Variants in MATR3 observed in about 807,000 individuals in gnomAD.
MATR3 encodes the protein matrin 3, also known as matrin-3.
Under a neutral mutation model 85.5 loss-of-function variants are expected in MATR3, and 4 were observed. The ratio of observed to expected loss-of-function variants is 0.05; its 90% CI spans 0.02 to 0.11. The LOEUF (loss-of-function observed/expected upper bound fraction) is 0.11, where lower values mean the gene tolerates loss of function less well. Among genes scored for constraint, MATR3 ranks in the 10% least tolerant of loss-of-function variants. MATR3 has a pLI of 1.00. For missense variants in MATR3, 685 were observed against 1,016.1 expected, an observed-to-expected ratio of 0.67 and a Z score of 4.43; for synonymous variants, 336 against 343.1, an observed-to-expected ratio of 0.98 and a Z score of 0.23.
At position 139,329,789 on chromosome 5, in the gene MATR3, C is replaced by T. The variant is rs1366282850; in HGVS notation, c.*394C>T. 1 of 454,774 alleles carries T rather than the reference C, an allele frequency of 2.2e-6. No homozygotes were observed. Among genetic ancestry groups the T allele is most frequent in the African/African-American group, 2.0e-5 (1 of 50,130 alleles). 28.2% of individuals were successfully genotyped at this position (454,774 alleles called of 1,614,324 possible). On this transcript the variant is annotated 3_prime_UTR_variant, in exon 15 of 15. Transcript: ENST00000394805. ...AACAAAACCAATAGTGTTTTTATTA[C>T]TTTCATCTGAAACATTCCATGTTTT...
At chr5:139,321,285 T>A (rs1755553538) in intron 9 of MATR3, among the ~76,000 whole-genome samples, 1 of 151,998 alleles carries the variant, frequency 6.6e-6, no homozygotes, top group Non-Finnish European at 1.5e-5. Flanking sequence ...AAGTAGCTGG[T>A]ACTACAGTAG....
intron 9 of MATR3, among the ~76,000 whole-genome samples, chr5:139,320,740 T>C (rs1442967768): frequency 6.8e-6 from 1 of 146,740 alleles, no homozygotes; most frequent in Non-Finnish European, 1.5e-5. Flanking sequence ...CTTAAGCTTA[T>C]TACTTTTTTT....
chr5:139,278,739 A>G (rs991173993), intron 2 of MATR3: 1 of 495,074 alleles, frequency 2.0e-6, no homozygotes, highest in Admixed American at 2.0e-5. Context: ...TGGAGTGCCT[A>G]GGTATCTGAA....
At chr5:139,298,819 G>A (rs1416339807) in intron 1 of MATR3, among the ~76,000 whole-genome samples, 1 of 152,128 alleles carries the variant, frequency 6.6e-6, no homozygotes, top group Non-Finnish European at 1.5e-5. Context: ...AAGAAACAGC[G>A]TTGTTCTTGG....
chr5:139,329,212 A>G, intron 14 of MATR3, 133 bp from the exon 15 acceptor site: 1 of 683,796 alleles, frequency 1.5e-6, no homozygotes, highest in South Asian at 1.6e-5. Flanking sequence ...AGGATTAACT[A>G]ATTGTTGAAA....
At chr5:139,309,956 G>A (rs915035896) in intron 2 of MATR3, 3 of 152,150 alleles carry the variant, frequency 2.0e-5, no homozygotes, top group Non-Finnish European at 4.4e-5. Flanking sequence ...AAAATAGATA[G>A]TTACAAGTGT....
chr5:139,322,418 G>A, intron 10 of MATR3, 45 bp from the exon 11 acceptor site: 2 of 1,510,298 alleles, frequency 1.3e-6, no homozygotes, highest in Non-Finnish European at 9.2e-7. Context: ...GGATAATTGT[G>A]TATTCTGCAA....
Position 139,329,630 on chromosome 5 carries a change from T to C in MATR3, c.*235T>C. 1.9e-6 allele frequency: 1 copy of C among 529,908 alleles called. No individual in the cohort carries two copies. The highest frequency in any genetic ancestry group is 3.6e-6 in the Non-Finnish European group (1 of 277,682). 32.8% of individuals were successfully genotyped at this position (529,908 alleles called of 1,614,324 possible). On this transcript the variant is annotated 3_prime_UTR_variant, in exon 15 of 15. Transcript: ENST00000394805. ...AGAATGGCAACAGACAGAAGTACTT[T>C]GTAGAGATTGACTTCCTAAGCTACT... is the stretch of plus-strand genomic sequence containing the variant.
At chr5:139,287,124 T>C (rs986571563) in intron 3 of MATR3, among the ~76,000 whole-genome samples, 2 of 152,234 alleles carry the variant, frequency 1.3e-5, no homozygotes, top group Non-Finnish European at 2.9e-5. Flanking sequence ...TTTACCTTTG[T>C]CAAGCTTAAT....
At chr5:139,323,619 C>A (rs190821589) in intron 12 of MATR3, among the ~76,000 whole-genome samples, 45 of 152,246 alleles carry the variant, frequency 3.0e-4, no homozygotes, top group African/African-American at 9.4e-4. Context: ...CATAAAATGT[C>A]GGAGTCAGGC....
intron 1 of MATR3, among the ~76,000 whole-genome samples, chr5:139,304,021 C>T (rs1754587918): frequency 6.6e-6 from 1 of 152,152 alleles, no homozygotes; most frequent in Admixed American, 6.5e-5. Flanking sequence ...ATCAGATTCT[C>T]ATGTAATGGG....
chr5:139,291,981 C>T (rs1328980190), upstream of MATR3: 1 of 107,210 alleles, frequency 9.3e-6, no homozygotes. Flanking sequence ...ATGTCTGACT[C>T]TGTAGCCCAG....
At chr5:139,288,972 C>T (rs551946305), upstream of MATR3, among the ~76,000 whole-genome samples, 4 of 151,896 alleles carry the variant, frequency 2.6e-5, no homozygotes, top group East Asian at 7.8e-4. Context: ...TTAGTAGAGA[C>T]ATGGTTTCAT....
chr5:139,282,623 G>A (rs1236356776), intron 3 of MATR3: 3 of 152,090 alleles, frequency 2.0e-5, no homozygotes, highest in Non-Finnish European at 4.4e-5. Context: ...ATCTTACATT[G>A]GTATATTATG....
At chr5:139,284,543 G>A (rs1753640446) in intron 3 of MATR3, among the ~76,000 whole-genome samples, 1 of 152,082 alleles carries the variant, frequency 6.6e-6, no homozygotes, top group South Asian at 2.1e-4. Context: ...GGAAGGCAGA[G>A]GTTGCAGTGA....
Position 139,307,292 on chromosome 5 carries a change from T to C in MATR3, c.-124T>C, listed in dbSNP as rs886059987. The stretch of plus-strand genomic sequence containing the variant: ...AGATTCTGCAGTCCTTATTGATCCT[T>C]TTTCTTGGCGTTACCATTTTTGAAG... On this transcript the variant is annotated 5_prime_UTR_variant, in exon 2 of 15. Transcript: ENST00000394805. This position sits in a 1 kb window ranked among gnomAD's most constrained non-coding sequence, Gnocchi z 4.4. 2.1e-6 allele frequency: 3 copies of C among 1,416,510 alleles called. No individual in the cohort carries two copies. The highest frequency in any genetic ancestry group is 2.7e-6 in the Non-Finnish European group (3 of 1,091,974). The allele number at this position is 1,416,510 out of a possible 1,614,324, so 87.7% of individuals were successfully genotyped here. A position where few individuals can be genotyped will look rare whatever the true frequency, so the allele number is the denominator to read the frequency against.
In MATR3 at chr5:139,326,317, AAACTT is replaced by A. The variant is rs759814687; in HGVS notation, c.2493+37_2493+41del. 3.0e-5 allele frequency: 49 copies of A among 1,610,570 alleles called. No homozygotes were observed. In the Middle Eastern group the frequency reaches 4.9e-4, roughly 16 times the overall value. On this transcript the variant is annotated intron_variant, in intron 14 of 14. Coordinates refer to ENST00000394805, the MANE Select transcript of MATR3 (RefSeq NM_018834.6). ...TGAATGTAAAACAGTTCTTTTGTGA[AAACTT>A]AACAAGTTATGGAAATAAGTGGGGT...
chr5:139,288,331 CAATA>C (rs1216767225), intron 3 of MATR3, among the ~76,000 whole-genome samples: 7 of 152,196 alleles, frequency 4.6e-5, no homozygotes, highest in Admixed American at 4.6e-4. Flanking sequence ...CTAAGTTCCT[CAATA>C]AATAATTACT....
At chr5:139,320,743 C>CTTTTTTTTTTTTTTT (rs1175972721) in intron 9 of MATR3, among the ~76,000 whole-genome samples, 1 of 102,420 alleles carries the variant, frequency 9.8e-6, no homozygotes, top group African/African-American at 4.8e-5. Flanking sequence ...AAGCTTATTA[C>CTTTTTTTTTTTTTTT]TTTTTTTTTT....
Sources: gnomAD v4.1 joint callset for allele counts (sites outside exome capture counted in the v4.1 genomes callset) on GRCh38, gnomAD v4.1.1 for gene constraint, Gnocchi (gnomAD v3.1) non-coding constraint, MANE v1.5 for transcripts, NCBI Gene and HGNC (gene_info 2026-07-23, HGNC 2026-07-21) for gene names.